ST8SIA5: variants seen among roughly 807,000 people sequenced by gnomAD.
The protein encoded by ST8SIA5 is alpha-2,8-sialyltransferase 8E.
ST8SIA5 carries 24 observed loss-of-function variants against 40.2 expected under a neutral mutation model. The observed-to-expected ratio is 0.60, with a 90% CI of 0.43 to 0.84. ST8SIA5 has a LOEUF of 0.84. ST8SIA5 is among the 40% of genes least tolerant of loss of function. The pLI is 0.00. For missense variants in ST8SIA5, 465 were observed against 498.5 expected, an observed-to-expected ratio of 0.93 and a Z score of 0.64; for synonymous variants, 198 against 201.8, an observed-to-expected ratio of 0.98 and a Z score of 0.16.
At chr18:46,738,333 T>C (rs185769910) in intron 1 of ST8SIA5, among the ~76,000 whole-genome samples, 18 of 150,666 alleles carry the variant, frequency 1.2e-4, no homozygotes, top group African/African-American at 4.4e-4. Flanking sequence ...TCCTGAGAGA[T>C]ATCTGAGGAA....
intron 1 of ST8SIA5, among the ~76,000 whole-genome samples, chr18:46,713,074 C>T (rs1304183474): frequency 1.3e-5 from 2 of 152,132 alleles, no homozygotes; most frequent in Non-Finnish European, 2.9e-5. Flanking sequence ...GGCCTGTGGG[C>T]CACCCAGTAT....
At position 46,756,863 on chromosome 18, in the gene ST8SIA5, G is replaced by C. The variant is rs1056669263; in HGVS notation, c.-355C>G. 7.9e-6 allele frequency: 2 copies of C among 252,440 alleles called. No individual in the cohort carries two copies. The highest frequency in any genetic ancestry group is 1.5e-5 in the Non-Finnish European group (2 of 132,738). 15.6% of individuals were successfully genotyped at this position (252,440 alleles called of 1,614,324 possible). ...CGAGCCGGAGGCGGCCCCTCCCGCCGAGGTGGCGGCCAATGGGGAGCAAGA... is the reference window on the plus strand; with the variant it reads ...CGAGCCGGAGGCGGCCCCTCCCGCCCAGGTGGCGGCCAATGGGGAGCAAGA... On this transcript the variant is annotated 5_prime_UTR_variant, in exon 1 of 7. Transcript: ENST00000315087.
rs185029811 is a variant in ST8SIA5, at chr18:46,689,558, A to T, written c.312-639T>A. 4.6e-3 allele frequency among the ~76,000 whole-genome samples: 686 copies of T among 149,548 alleles called. 6 individuals carry two copies. Among genetic ancestry groups the T allele is most frequent in the African/African-American group, 0.016 (665 of 40,852 alleles). Reference sequence around the variant, plus strand: ...TTTGTGATTCCAGCTTGCAAAAGCCAGGAATGTTTTATGATTTTTTTTTTT... The same window carrying T: ...TTTGTGATTCCAGCTTGCAAAAGCCTGGAATGTTTTATGATTTTTTTTTTT... On this transcript the variant is annotated intron_variant, in intron 3 of 6. Coordinates refer to ENST00000315087, the MANE Select transcript of ST8SIA5 (RefSeq NM_013305.6).
intron 2 of ST8SIA5, among the ~76,000 whole-genome samples, chr18:46,696,085 A>C (rs1221049657): frequency 6.6e-6 from 1 of 152,202 alleles, no homozygotes; most frequent in Non-Finnish European, 1.5e-5. Context: ...TTGCACAGAG[A>C]CCTGAAATGA....
chr18:46,726,969 C>G (rs1474156454), intron 1 of ST8SIA5, among the ~76,000 whole-genome samples: 2 of 152,184 alleles, frequency 1.3e-5, no homozygotes, highest in Non-Finnish European at 2.9e-5. Context: ...GTGCTAAACT[C>G]GTAATCACTA....
Position 46,677,721 on chromosome 18 carries a change from C to T in ST8SIA5, c.*2321G>A, listed in dbSNP as rs962051274. 11 of 152,198 alleles carry T rather than the reference C, an allele frequency of 7.2e-5. No individual in the cohort carries two copies. Among genetic ancestry groups the T allele is most frequent in the Non-Finnish European group, 1.3e-4 (9 of 68,042 alleles). The allele number at this position is 152,198 out of a possible 1,614,324, so 9.4% of individuals were successfully genotyped here. On this transcript the variant is annotated 3_prime_UTR_variant, in exon 7 of 7. Transcript: ENST00000315087. ...CCGATGCTCCAATCCTCAGCTCCTA[C>T]GAGGGCCCTGGCTGGGGCAGATTCC...
intron 1 of ST8SIA5, among the ~76,000 whole-genome samples, chr18:46,705,855 A>T (rs774581019): frequency 2.0e-5 from 3 of 152,266 alleles, no homozygotes; most frequent in Non-Finnish European, 4.4e-5. Context: ...CCCAGGGCCA[A>T]GGATTGGAAA....
At chr18:46,734,181 G>C (rs1209814033) in intron 1 of ST8SIA5, among the ~76,000 whole-genome samples, 1 of 152,120 alleles carries the variant, frequency 6.6e-6, no homozygotes, top group Non-Finnish European at 1.5e-5. Context: ...GCGCTCCCTT[G>C]CCTGTCCATG....
intron 1 of ST8SIA5, among the ~76,000 whole-genome samples, chr18:46,747,784 C>T (rs1040906307): frequency 2.6e-5 from 4 of 152,234 alleles, no homozygotes; most frequent in East Asian, 1.9e-4. Flanking sequence ...ATGTTTGTTG[C>T]GGCACTATTC....
chr18:46,697,285 C>T (rs922783822), intron 2 of ST8SIA5, among the ~76,000 whole-genome samples: 6 of 152,038 alleles, frequency 3.9e-5, no homozygotes, highest in Admixed American at 3.3e-4. Flanking sequence ...ACCTGGTCAA[C>T]CTGAAGTGAG....
In ST8SIA5 at chr18:46,682,166, G is replaced by A. The variant is rs1206626148; in HGVS notation, c.570-102C>T. 4.6e-6 allele frequency: 4 copies of A among 860,292 alleles called. No homozygotes were observed. The African/African-American group carries it at 6.9e-5, about 15-fold the overall frequency. 53.3% of individuals were successfully genotyped at this position (860,292 alleles called of 1,614,324 possible). ...GGGATGGTGATCATGTGGGCAGAGG[G>A]ATGCAAAGGCAACCAGCTAGGCAGG... is the stretch of plus-strand genomic sequence containing the variant. On this transcript the variant is annotated intron_variant, in intron 5 of 6. Coordinates refer to ENST00000315087, the MANE Select transcript of ST8SIA5 (RefSeq NM_013305.6).
At chr18:46,680,554 C>T in intron 6 of ST8SIA5, 44 bp from the exon 7 acceptor site, 2 of 1,499,068 alleles carry the variant, frequency 1.3e-6, no homozygotes, top group Non-Finnish European at 1.8e-6. Context: ...CTCCTCCGTG[C>T]CCTCAGGCCC....
chr18:46,686,156 T>C lies in ST8SIA5; in HGVS notation c.569+18A>G. On this transcript the variant is annotated intron_variant, in intron 5 of 6. Transcript: ENST00000315087. ...GGCCATGGGGTAGTGGCAAGGGCAG[T>C]GCCAGGGTTTCTTTTACCGGAAGAC... 6.2e-7 allele frequency: 1 copy of C among 1,612,896 alleles called. No individual in the cohort carries two copies. Among genetic ancestry groups the C allele is most frequent in the Non-Finnish European group, 8.5e-7 (1 of 1,178,938 alleles).
In ST8SIA5 at chr18:46,673,702, C is replaced by A. The variant is rs1283540684; in HGVS notation, c.*6340G>T. On this transcript the variant is annotated 3_prime_UTR_variant, in exon 7 of 7. Transcript: ENST00000315087. ...CTGTAGATCTATACTGTAGGTCTATCCAGTCTACCCTTTGAAGATCACACT... is the reference window on the plus strand; with the variant it reads ...CTGTAGATCTATACTGTAGGTCTATACAGTCTACCCTTTGAAGATCACACT... The A allele has an allele frequency of 1.3e-5, 2 of 151,952 alleles. No individual in the cohort carries two copies. The highest frequency in any genetic ancestry group is 2.9e-5 in the Non-Finnish European group (2 of 67,992). 9.4% of individuals were successfully genotyped at this position (151,952 alleles called of 1,614,324 possible).
At chr18:46,752,656 GC>G (rs2040205822) in intron 1 of ST8SIA5, among the ~76,000 whole-genome samples, 1 of 152,192 alleles carries the variant, frequency 6.6e-6, no homozygotes, top group African/African-American at 2.4e-5. Flanking sequence ...CACAGGGAGA[GC>G]CCAGGGTCCA....
rs1023723874 is a variant in ST8SIA5, at chr18:46,675,837, C to T, written c.*4205G>A. 2 of 151,974 alleles carry T rather than the reference C, an allele frequency of 1.3e-5. No homozygotes were observed. The highest frequency in any genetic ancestry group is 2.9e-5 in the Non-Finnish European group (2 of 68,042). 9.4% of individuals were successfully genotyped at this position (151,974 alleles called of 1,614,324 possible). On this transcript the variant is annotated 3_prime_UTR_variant, in exon 7 of 7. Transcript: ENST00000315087. ...GGCCAAGGCAGGAGGATTGCTTGAG[C>T]TCAGGAGTTCGAGACTAGCCTCGTC...
intron 1 of ST8SIA5, among the ~76,000 whole-genome samples, chr18:46,723,709 T>C (rs1217721230): frequency 6.6e-6 from 1 of 152,124 alleles, no homozygotes; most frequent in East Asian, 1.9e-4. Flanking sequence ...GCGGACTGCC[T>C]GAGGCCAGGA....
In ST8SIA5 at chr18:46,670,751, G is replaced by A. The variant is rs2039304125; in HGVS notation, c.*9291C>T. 6.7e-6 allele frequency: 1 copy of A among 150,242 alleles called. No individual in the cohort carries two copies. Among genetic ancestry groups the A allele is most frequent in the Non-Finnish European group, 1.5e-5 (1 of 67,754 alleles). 9.3% of individuals were successfully genotyped at this position (150,242 alleles called of 1,614,324 possible). A position where few individuals can be genotyped will look rare whatever the true frequency, so the allele number is the denominator to read the frequency against. ...CTGGACATATTTTCTTATCCTTAATGTAGTGTTTTTTTTTTTCCAAAGACA... is the reference window on the plus strand; with the variant it reads ...CTGGACATATTTTCTTATCCTTAATATAGTGTTTTTTTTTTTCCAAAGACA... On this transcript the variant is annotated 3_prime_UTR_variant, in exon 7 of 7. Transcript: ENST00000315087.
rs1382401489 is a variant in ST8SIA5, at chr18:46,756,394, T to C, written c.115A>G (p.Arg39Gly). Reference sequence around the variant, plus strand: ...CTTTCTTACCTCTTAATGTAGTTCCTGCCATACAGGATCTGTTGCAGCAAG... The same window carrying C: ...CTTTCTTACCTCTTAATGTAGTTCCCGCCATACAGGATCTGTTGCAGCAAG... ...VTLLQQILYG[R>G]NYIKRYFEFY... The change falls in exon 1 of 7, where the codon AGG becomes GGG. Residue 39 changes from arginine (R) to glycine (G), a missense_variant. Physicochemically the swap from Arg to Gly is moderately radical, Grantham distance 125. Coordinates refer to ENST00000315087, the MANE Select transcript of ST8SIA5 (RefSeq NM_013305.6). 9.3e-6 allele frequency: 15 copies of C among 1,612,648 alleles called. No homozygotes were observed. The highest frequency in any genetic ancestry group is 1.3e-5 in the African/African-American group (1 of 74,816).
Sources: gnomAD v4.1 joint callset for allele counts (sites outside exome capture counted in the v4.1 genomes callset) on GRCh38, gnomAD v4.1.1 for gene constraint, MANE v1.5 for transcripts, NCBI Gene and HGNC (gene_info 2026-07-23, HGNC 2026-07-21) for gene names.